Variants in NDUFS4 observed in about 807,000 individuals in gnomAD.
NDUFS4 encodes the protein NADH dehydrogenase [ubiquinone] iron-sulfur protein 4, mitochondrial.
In NDUFS4, 28 loss-of-function variants were observed where a neutral mutation model predicts 24.3. The observed-to-expected ratio is 1.15, with a 90% CI of 0.85 to 1.58. The LOEUF (loss-of-function observed/expected upper bound fraction) is 1.58, where lower values mean the gene tolerates loss of function less well. NDUFS4 is among the 40% of genes most tolerant of loss of function. The pLI is 0.00. For synonymous variants in NDUFS4, 93 were observed against 69.7 expected (o/e 1.34, Z -1.67); for missense variants, 223 against 207.9 (o/e 1.07, Z -0.45).
intron 2 of NDUFS4, among the ~76,000 whole-genome samples, chr5:53,604,370 A>T (rs1750431811): frequency 6.6e-6 from 1 of 152,270 alleles, no homozygotes; most frequent in Middle Eastern, 3.2e-3. Context: ...CATTAAAGAT[A>T]CAGACAAATA....
At chr5:53,646,184 G>A (rs1022468542) in intron 2 of NDUFS4, 49 bp from the exon 3 acceptor site, 1 of 1,396,408 alleles carries the variant, frequency 7.2e-7, no homozygotes, top group Non-Finnish European at 1.0e-6. Flanking sequence ...GTACATTAGT[G>A]TGTATGTAGG....
intron 4 of NDUFS4, among the ~76,000 whole-genome samples, chr5:53,681,477 A>G (rs1357837236): frequency 1.3e-5 from 2 of 152,156 alleles, no homozygotes; most frequent in South Asian, 2.1e-4. Flanking sequence ...CTTATGAAAG[A>G]CAAAGTTTTC....
intron 4 of NDUFS4, among the ~76,000 whole-genome samples, chr5:53,668,402 A>G (rs906353232): frequency 1.2e-4 from 19 of 152,270 alleles, no homozygotes; most frequent in Admixed American, 5.9e-4. Flanking sequence ...TAGAAAATCA[A>G]TACATCAAGG....
chr5:53,603,669 G>A (rs1015725430), intron 2 of NDUFS4, 139 bp downstream of exon 2: 5 of 666,068 alleles, frequency 7.5e-6, no homozygotes, highest in Non-Finnish European at 1.1e-5. Context: ...ATTTTAAGAA[G>A]AAATATTTGT....
At chr5:53,674,862 G>T (rs1446470234) in intron 4 of NDUFS4, among the ~76,000 whole-genome samples, 1 of 151,930 alleles carries the variant, frequency 6.6e-6, no homozygotes, top group Non-Finnish European at 1.5e-5. Context: ...TGGAATAAAA[G>T]TCTGTTTATA....
chr5:53,638,519 G>C (rs1380195008), intron 2 of NDUFS4, among the ~76,000 whole-genome samples: 1 of 152,006 alleles, frequency 6.6e-6, no homozygotes, highest in Non-Finnish European at 1.5e-5. Flanking sequence ...GACACAAAGA[G>C]GGGAACAACA....
At chr5:53,607,178 T>A (rs1750546164) in intron 2 of NDUFS4, among the ~76,000 whole-genome samples, 1 of 152,180 alleles carries the variant, frequency 6.6e-6, no homozygotes, top group South Asian at 2.1e-4. Context: ...GACATTTTCT[T>A]GAAAATGAAC....
At chr5:53,646,143 T>C in intron 2 of NDUFS4, 90 bp from the exon 3 acceptor site, 2 of 1,046,874 alleles carry the variant, frequency 1.9e-6, no homozygotes, top group South Asian at 2.8e-5. Flanking sequence ...CAAATCTGAA[T>C]AGAGTTGCAT....
intron 1 of NDUFS4, among the ~76,000 whole-genome samples, chr5:53,564,576 G>A (rs1459692174): frequency 6.6e-6 from 1 of 152,182 alleles, no homozygotes; most frequent in Middle Eastern, 3.2e-3. Flanking sequence ...GTCTCATTCT[G>A]TTGCTCAGGC....
At chr5:53,591,450 T>C (rs1468547357) in intron 1 of NDUFS4, among the ~76,000 whole-genome samples, 3 of 58,346 alleles carry the variant, frequency 5.1e-5, no homozygotes, top group Non-Finnish European at 1.4e-4. Context: ...CTACTTTTTG[T>C]TTGTTTTTTT....
At chr5:53,672,350 CAGAGTA>C (rs751512440) in intron 4 of NDUFS4, among the ~76,000 whole-genome samples, 6 of 151,906 alleles carry the variant, frequency 3.9e-5, no homozygotes, top group Non-Finnish European at 8.8e-5. Flanking sequence ...ACAACCAGTT[CAGAGTA>C]AAAGTCAAAA....
chr5:53,673,850 T>G (rs1740370004), intron 4 of NDUFS4, among the ~76,000 whole-genome samples: 1 of 152,152 alleles, frequency 6.6e-6, no homozygotes, highest in South Asian at 2.1e-4. Context: ...ACACATAACT[T>G]TCTATAGCTA....
intron 1 of NDUFS4, among the ~76,000 whole-genome samples, chr5:53,582,885 G>C (rs1387909227): frequency 6.6e-6 from 1 of 152,140 alleles, no homozygotes; most frequent in Non-Finnish European, 1.5e-5. Context: ...ATGCACAGCA[G>C]CATCTCCATA....
intron 2 of NDUFS4, among the ~76,000 whole-genome samples, chr5:53,624,755 A>G (rs763019096): frequency 2.0e-5 from 3 of 152,164 alleles, no homozygotes; most frequent in African/African-American, 4.8e-5. Flanking sequence ...ATTTTCACAT[A>G]TGTCATCTGG....
chr5:53,567,984 A>T lies in NDUFS4; in HGVS notation c.98+7224A>T, dbSNP rs114544010. Reference sequence around the variant, plus strand: ...TGAACCTGAATTATGCAGTGACCACATTCTTCATAACAACTTTCATCTAAA... The same window carrying T: ...TGAACCTGAATTATGCAGTGACCACTTTCTTCATAACAACTTTCATCTAAA... On this transcript the variant is annotated intron_variant, in intron 1 of 4. Transcript: ENST00000296684. 7.1e-3 allele frequency among the ~76,000 whole-genome samples: 1,079 copies of T among 152,266 alleles called. 16 individuals are homozygous for T. The highest frequency in any genetic ancestry group is 0.061 in the East Asian group (315 of 5,190).
At chr5:53,616,442 C>CA (rs976756118) in intron 2 of NDUFS4, among the ~76,000 whole-genome samples, 2 of 151,972 alleles carry the variant, frequency 1.3e-5, no homozygotes, top group Non-Finnish European at 2.9e-5. Flanking sequence ...TTAAGTAGGG[C>CA]AGTCAACGAA....
chr5:53,565,875 TAA>T (rs146661329), intron 1 of NDUFS4, among the ~76,000 whole-genome samples: 14,129 of 152,240 alleles, frequency 0.093, 774 homozygotes, highest in Middle Eastern at 0.13. Flanking sequence ...TGCGAAGTTT[TAA>T]AAAGTCAGTA....
intron 4 of NDUFS4, among the ~76,000 whole-genome samples, chr5:53,678,729 C>A (rs1740556171): frequency 6.6e-6 from 1 of 152,048 alleles, no homozygotes; most frequent in South Asian, 2.1e-4. Flanking sequence ...TTAATATCTA[C>A]ATTTTATTTC....
intron 4 of NDUFS4, 25 bp downstream of exon 4, chr5:53,658,649 A>C (rs779001956): frequency 6.4e-7 from 1 of 1,574,054 alleles, no homozygotes; most frequent in Non-Finnish European, 8.7e-7. Context: ...TTTTTGACAA[A>C]GTCAAGATAA....
Sources: gnomAD v4.1 joint callset for allele counts (sites outside exome capture counted in the v4.1 genomes callset) on GRCh38, gnomAD v4.1.1 for gene constraint, MANE v1.5 for transcripts, NCBI Gene and HGNC (gene_info 2026-07-23, HGNC 2026-07-21) for gene names.